EPHA3: variants seen among roughly 807,000 people sequenced by gnomAD.
The protein encoded by EPHA3 is ephrin type-A receptor 3.
Under a neutral mutation model 107.1 loss-of-function variants are expected in EPHA3, and 42 were observed. The observed-to-expected ratio is 0.39, with a 90% CI of 0.31 to 0.51. The LOEUF (loss-of-function observed/expected upper bound fraction) is 0.51. EPHA3 is among the 20% of genes least tolerant of loss of function. The pLI, the probability that EPHA3 is intolerant of heterozygous loss-of-function variation, is 0.78. For missense variants in EPHA3, 1,183 were observed against 1,211.2 expected, an observed-to-expected ratio of 0.98 and a Z score of 0.35; for synonymous variants, 461 against 424.8, an observed-to-expected ratio of 1.09 and a Z score of -1.05.
At chr3:89,247,343 A>C (rs1705056989) in intron 3 of EPHA3, among the ~76,000 whole-genome samples, 1 of 152,216 alleles carries the variant, frequency 6.6e-6, no homozygotes, top group Non-Finnish European at 1.5e-5. Context: ...ATAAAAGGTG[A>C]AAATGGATAA....
chr3:89,126,465 C>A (rs1704098644), intron 1 of EPHA3, among the ~76,000 whole-genome samples: 2 of 151,446 alleles, frequency 1.3e-5, no homozygotes, highest in South Asian at 2.1e-4. Flanking sequence ...AAAAATGCAA[C>A]CATATGCATG....
At chr3:89,246,009 A>T (rs1235928181) in intron 3 of EPHA3, among the ~76,000 whole-genome samples, 3 of 152,238 alleles carry the variant, frequency 2.0e-5, no homozygotes, top group Non-Finnish European at 4.4e-5. Flanking sequence ...ATTTACTGAA[A>T]TGGTAGACAA....
chr3:89,402,953 C>T (rs1214484394), intron 7 of EPHA3, among the ~76,000 whole-genome samples: 2 of 152,172 alleles, frequency 1.3e-5, no homozygotes, highest in Non-Finnish European at 2.9e-5. Flanking sequence ...GCTGGGATTA[C>T]AGGTGTGAGC....
intron 2 of EPHA3, among the ~76,000 whole-genome samples, chr3:89,128,158 G>A (rs112934879): frequency 2.4e-4 from 37 of 152,122 alleles, no homozygotes; most frequent in African/African-American, 7.9e-4. Context: ...CTTCCACTTC[G>A]TGTTGGCGTT....
chr3:89,278,506 G>A (rs1366685234), intron 3 of EPHA3, among the ~76,000 whole-genome samples: 1 of 152,148 alleles, frequency 6.6e-6, no homozygotes, highest in African/African-American at 2.4e-5. Context: ...GGGGCGAATG[G>A]AATGCCATGT....
intron 3 of EPHA3, among the ~76,000 whole-genome samples, chr3:89,322,351 C>T (rs1707063128): frequency 1.3e-5 from 2 of 152,038 alleles, no homozygotes; most frequent in African/African-American, 4.8e-5. Flanking sequence ...TTTGACTTCT[C>T]ATTAACTGCT....
At chr3:89,391,421 C>CTT (rs758307339) in intron 5 of EPHA3, among the ~76,000 whole-genome samples, 1,337 of 115,972 alleles carry the variant, frequency 0.012, 77 homozygotes, top group African/African-American at 0.042. Flanking sequence ...TCTTTCTTTT[C>CTT]TTTTTTTTTT....
chr3:89,188,386 T>C (rs1705623129), intron 2 of EPHA3, among the ~76,000 whole-genome samples: 1 of 152,186 alleles, frequency 6.6e-6, no homozygotes, highest in African/African-American at 2.4e-5. Flanking sequence ...ATCATCGACT[T>C]TTATTCAGAA....
At chr3:89,450,395 G>A (rs372505984) in intron 15 of EPHA3, 25 bp downstream of exon 15, 25 of 1,589,108 alleles carry the variant, frequency 1.6e-5, no homozygotes, top group Non-Finnish European at 2.0e-5. Context: ...TTGTTATCTG[G>A]CATTCACTCT....
At chr3:89,222,337 ATATATATATATATATATGTATATG>A (rs1234160138) in intron 3 of EPHA3, among the ~76,000 whole-genome samples, 30 of 144,832 alleles carry the variant, frequency 2.1e-4, no homozygotes, top group South Asian at 6.4e-4. Context: ...ATATATATAT[ATATATATATATATATATGTATATG>A]TATATGTATA....
chr3:89,185,293 GT>G (rs1705536842), intron 2 of EPHA3, among the ~76,000 whole-genome samples: 1 of 151,882 alleles, frequency 6.6e-6, no homozygotes, highest in South Asian at 2.1e-4. Flanking sequence ...GAAAAAAAAA[GT>G]TTGGTGACTT....
chr3:89,383,709 C>T (rs1268281175), intron 5 of EPHA3, among the ~76,000 whole-genome samples: 2 of 128,916 alleles, frequency 1.6e-5, no homozygotes, highest in African/African-American at 3.0e-5. Flanking sequence ...AGTGCAGTGG[C>T]GCGATCTCGG....
In EPHA3 at chr3:89,390,971, G is replaced by A. The variant is rs563436930; in HGVS notation, c.1307-4866G>A. Reference sequence around the variant, plus strand: ...TCTGGCTCGTTTTTTTGTATTTTTAGTAGAGCCGGGTTTCATGTTGGCCAG... The same window carrying A: ...TCTGGCTCGTTTTTTTGTATTTTTAATAGAGCCGGGTTTCATGTTGGCCAG... On this transcript the variant is annotated intron_variant, in intron 5 of 16. Transcript: ENST00000336596. Among the ~76,000 whole-genome samples, 301 of 151,624 alleles carry A rather than the reference G, an allele frequency of 2.0e-3. 3 individuals carry two copies. The highest frequency in any genetic ancestry group is 9.0e-4 in the Non-Finnish European group (61 of 67,888).
chr3:89,387,065 A>G (rs1708636788), intron 5 of EPHA3, among the ~76,000 whole-genome samples: 1 of 151,978 alleles, frequency 6.6e-6, no homozygotes, highest in Admixed American at 6.6e-5. Flanking sequence ...GAGACTTTGG[A>G]TTTGAATTTT....
At chr3:89,221,581 C>T (rs1189803964) in intron 3 of EPHA3, among the ~76,000 whole-genome samples, 2 of 152,074 alleles carry the variant, frequency 1.3e-5, no homozygotes, top group Non-Finnish European at 2.9e-5. Flanking sequence ...TTCTCAAATA[C>T]GAAAAGCCAT....
At chr3:89,211,112 C>G (rs1456823065) in intron 3 of EPHA3, among the ~76,000 whole-genome samples, 1 of 151,980 alleles carries the variant, frequency 6.6e-6, no homozygotes, top group Non-Finnish European at 1.5e-5. Context: ...TTTTAAGTGT[C>G]TTTTGCACCA....
chr3:89,403,803 G>T (rs1010946516), intron 7 of EPHA3, among the ~76,000 whole-genome samples: 2 of 152,122 alleles, frequency 1.3e-5, no homozygotes, highest in African/African-American at 2.4e-5. Context: ...TTTCTATCTG[G>T]AAATTGGGGA....
intron 2 of EPHA3, among the ~76,000 whole-genome samples, chr3:89,165,962 T>A (rs1339187994): frequency 3.3e-5 from 5 of 152,228 alleles, no homozygotes; most frequent in African/African-American, 1.2e-4. Flanking sequence ...TTAGATGCTA[T>A]CATCATCTTT....
Position 89,258,922 on chromosome 3 carries a change from C to A in EPHA3, c.814+48402C>A, listed in dbSNP as rs190783426. Among the ~76,000 whole-genome samples, 55 of 152,204 alleles carry A rather than the reference C, an allele frequency of 3.6e-4. 1 individual carries two copies. The East Asian group carries it at 0.01, about 28-fold the overall frequency. On this transcript the variant is annotated intron_variant, in intron 3 of 16. Coordinates refer to ENST00000336596, the MANE Select transcript of EPHA3 (RefSeq NM_005233.6). ...ACCTGTACATGCCACAAAATCCAAA[C>A]AAGTTTACACCAAACAACAATGAAA... is the stretch of plus-strand genomic sequence containing the variant.
Sources: gnomAD v4.1 joint callset for allele counts (sites outside exome capture counted in the v4.1 genomes callset) on GRCh38, gnomAD v4.1.1 for gene constraint, MANE v1.5 for transcripts, NCBI Gene and HGNC (gene_info 2026-07-23, HGNC 2026-07-21) for gene names.